Variants in ARID1B observed in about 807,000 individuals in gnomAD.
ARID1B encodes AT-rich interaction domain 1B.
ARID1B carries 30 observed loss-of-function variants against 212.3 expected under a neutral mutation model. The observed-to-expected ratio is 0.14, with a 90% CI of 0.11 to 0.19. The LOEUF (loss-of-function observed/expected upper bound fraction) is 0.19. Among genes scored for constraint, ARID1B ranks in the 10% least tolerant of loss-of-function variants. The pLI is 1.00. For missense variants in ARID1B, 2,891 were observed against 3,204.0 expected, an observed-to-expected ratio of 0.90 and a Z score of 2.36; for synonymous variants, 1,402 against 1,301.7, an observed-to-expected ratio of 1.08 and a Z score of -1.66.
In ARID1B at chr6:156,777,938, T is replaced by A. The variant is rs1015147137; in HGVS notation, c.258T>A (p.His86Gln). 3.3e-6 allele frequency: 5 copies of A among 1,524,364 alleles called. No individual in the cohort carries two copies. In the Admixed American group the frequency reaches 6.0e-5, roughly 18 times the overall value. The allele number at this position is 1,524,364 out of a possible 1,614,324, so 94.4% of individuals were successfully genotyped here. The part of the protein sequence containing the change: ...LLPRHELNMA[H>Q]NAGAAAAAGT... ...CCCGTCACGAACTCAACATGGCCCA[T>A]AACGCGGGCGCCGCGGCCGCCGCCG... Residue 86 changes from histidine (H) to glutamine (Q), a missense_variant, in exon 1 of 20, where the codon CAT becomes CAA. Transcript: ENST00000636930.
rs1562433623 is a variant in ARID1B at position 156,849,937 on chromosome 6, CTTTTTTTGTAATACTCCT to C, written c.1986+20517_1986+20534del. On this transcript the variant is annotated intron_variant, in intron 2 of 19. Coordinates refer to ENST00000636930, the MANE Select transcript of ARID1B (RefSeq NM_001374828.1). ...CGGGCTTTCTGAAACCCAGTGCTGT[CTTTTTTTGTAATACTCCT>C]GTGGATGTTTTTGCACAAAGTGGCA... Among the ~76,000 whole-genome samples, 8 of 150,968 alleles carry C rather than the reference CTTTTTTTGTAATACTCCT, an allele frequency of 5.3e-5. No individual in the cohort carries two copies. The East Asian group carries it at 1.6e-3, about 29-fold the overall frequency.
chr6:157,126,371 A>C (rs1788138400), intron 6 of ARID1B, among the ~76,000 whole-genome samples: 1 of 152,150 alleles, frequency 6.6e-6, no homozygotes, highest in Admixed American at 6.5e-5. Flanking sequence ...AAACAAATCC[A>C]TAGGGGGTGT....
chr6:156,778,268 C>CCAGCAA lies in ARID1B; in HGVS notation c.593_594insACAGCA (p.Gln213_Gln214dup), dbSNP rs1778809346. ...CACTACAGCAGCAGCTAAACCAGTTCCAGCAGCAGCAGCAGCAGCAGCAAC... is the reference window on the plus strand; with the variant it reads ...CACTACAGCAGCAGCTAAACCAGTTCCAGCAACAGCAGCAGCAGCAGCAGCAGCAAC... On this transcript the variant is annotated inframe_insertion, in exon 1 of 20. Transcript: ENST00000636930. 3 of 1,536,712 alleles carry CCAGCAA rather than the reference C, an allele frequency of 2.0e-6. No homozygotes were observed. Among genetic ancestry groups the CCAGCAA allele is most frequent in the Non-Finnish European group, 2.6e-6 (3 of 1,142,078 alleles).
At chr6:157,079,165 G>A (rs1309324971) in intron 4 of ARID1B, among the ~76,000 whole-genome samples, 2 of 152,142 alleles carry the variant, frequency 1.3e-5, no homozygotes, top group Non-Finnish European at 2.9e-5. Context: ...TGCTCTTAAG[G>A]CCTAACAATT....
chr6:156,871,693 T>C (rs1415717036), intron 2 of ARID1B: 1 of 1,601,320 alleles, frequency 6.2e-7, no homozygotes, highest in Non-Finnish European at 8.5e-7. Flanking sequence ...TCCAAGTCTT[T>C]GGGACAGCAT....
intron 4 of ARID1B, among the ~76,000 whole-genome samples, chr6:156,947,443 C>G (rs59209896): frequency 0.041 from 6,157 of 151,090 alleles, 358 homozygotes; most frequent in African/African-American, 0.13. Context: ...TTCTTTTTTG[C>G]AGATGTAGGG....
At chr6:156,837,024 C>T (rs1001404500) in intron 2 of ARID1B, among the ~76,000 whole-genome samples, 11 of 152,168 alleles carry the variant, frequency 7.2e-5, no homozygotes, top group African/African-American at 2.7e-4. Flanking sequence ...TGGGTTGATG[C>T]TTGACAAATT....
intron 4 of ARID1B, among the ~76,000 whole-genome samples, chr6:157,060,656 T>A (rs960749272): frequency 6.6e-5 from 9 of 136,632 alleles, no homozygotes; most frequent in Admixed American, 5.9e-4. Context: ...TTTTTTTTTT[T>A]ACTATTCTTT....
chr6:156,782,248 A>C (rs1779334139), intron 1 of ARID1B, among the ~76,000 whole-genome samples: 1 of 151,960 alleles, frequency 6.6e-6, no homozygotes, highest in Non-Finnish European at 1.5e-5. Context: ...TAAATGATGA[A>C]ATATTTTGGC....
chr6:156,859,286 G>A (rs538974775), intron 2 of ARID1B, among the ~76,000 whole-genome samples: 33 of 152,226 alleles, frequency 2.2e-4, no homozygotes, highest in African/African-American at 7.0e-4. Context: ...TGGGACCACC[G>A]TTGTATATGT....
At chr6:157,032,649 G>T (rs537524790) in intron 4 of ARID1B, among the ~76,000 whole-genome samples, 23 of 152,232 alleles carry the variant, frequency 1.5e-4, no homozygotes, top group South Asian at 1.5e-3. Context: ...ACATTTCCAT[G>T]ATTATTAATT....
At chr6:157,135,627 C>T (rs549512374) in intron 7 of ARID1B, among the ~76,000 whole-genome samples, 1 of 152,288 alleles carries the variant, frequency 6.6e-6, no homozygotes, top group South Asian at 2.1e-4. Context: ...CTCTCAATGT[C>T]CAAATCAAAA....
chr6:157,116,277 AG>A (rs1241775254), intron 6 of ARID1B, among the ~76,000 whole-genome samples: 1 of 152,116 alleles, frequency 6.6e-6, no homozygotes, highest in East Asian at 1.9e-4. Flanking sequence ...ATTAGCAATT[AG>A]GTGAAAATGC....
chr6:157,025,677 G>C (rs1378909356), intron 4 of ARID1B, among the ~76,000 whole-genome samples: 1 of 151,926 alleles, frequency 6.6e-6, no homozygotes, highest in Non-Finnish European at 1.5e-5. Context: ...TCCATTGTTT[G>C]GCTATGATCA....
At chr6:157,098,837 C>T (rs74903739) in intron 5 of ARID1B, among the ~76,000 whole-genome samples, 2,828 of 152,296 alleles carry the variant, frequency 0.019, 87 homozygotes, top group African/African-American at 0.065. Context: ...GAGAGTTGTG[C>T]CTCAGTCAAA....
chr6:156,817,280 A>T (rs879943402), intron 1 of ARID1B, among the ~76,000 whole-genome samples: 5 of 151,880 alleles, frequency 3.3e-5, no homozygotes, highest in Non-Finnish European at 7.4e-5. Flanking sequence ...GGAGGTGGAG[A>T]TTGCAGTGAT....
rs565638797 is a variant in ARID1B, at chr6:156,842,305, C to A, written c.1986+12884C>A. Among the ~76,000 whole-genome samples the A allele has an allele frequency of 4.6e-5, 7 of 152,290 alleles. 1 individual carries two copies. The highest frequency in any genetic ancestry group is 7.2e-5 in the African/African-American group (3 of 41,562). The stretch of plus-strand genomic sequence containing the variant: ...CCTCTTCCCCCCAGGCAACTGCTAA[C>A]CTGCCTTCTACCGCTGGATTTACCT... On this transcript the variant is annotated intron_variant, in intron 2 of 19. Transcript: ENST00000636930.
At chr6:156,793,458 C>T (rs1057378536) in intron 1 of ARID1B, among the ~76,000 whole-genome samples, 31 of 152,112 alleles carry the variant, frequency 2.0e-4, no homozygotes, top group Non-Finnish European at 4.1e-4. Context: ...AGCTCAGCCT[C>T]GTGAGTATCT....
intron 5 of ARID1B, 86 bp from the exon 6 acceptor site, chr6:157,110,386 A>T: frequency 1.7e-6 from 2 of 1,158,512 alleles, no homozygotes; most frequent in South Asian, 1.3e-5. Context: ...CATAAAAATT[A>T]AATGTGGCTG....
Sources: gnomAD v4.1 joint callset for allele counts (sites outside exome capture counted in the v4.1 genomes callset) on GRCh38, gnomAD v4.1.1 for gene constraint, MANE v1.5 for transcripts, NCBI Gene and HGNC (gene_info 2026-07-23, HGNC 2026-07-21) for gene names.